Variants in SYTL3 observed in about 807,000 individuals in gnomAD.
The protein encoded by SYTL3 is synaptotagmin like 3.
A neutral mutation model predicts 82.1 loss-of-function variants in SYTL3; 88 were observed. The observed-to-expected ratio is 1.07, with a 90% CI of 0.90 to 1.28. The LOEUF (loss-of-function observed/expected upper bound fraction) is 1.28, where lower values mean the gene tolerates loss of function less well. Ranked by LOEUF, SYTL3 falls within the 50% of genes most tolerant of loss-of-function variation. The pLI is 0.00. For synonymous variants in SYTL3, 311 were observed against 289.4 expected (o/e 1.07, Z -0.76); for missense variants, 831 against 757.6 (o/e 1.10, Z -1.14).
rs764991590 is a variant in SYTL3, at chr6:158,763,550, A to T, written c.1723+41A>T. ...TGAGCCCAAACGTTTATACTTTGTG[A>T]TTATCCTAATGGGTACCGTGCAAAG... On this transcript the variant is annotated intron_variant, in intron 17 of 17. Coordinates refer to ENST00000611299, the MANE Select transcript of SYTL3 (RefSeq NM_001242394.2). 18 of 1,539,348 alleles carry T rather than the reference A, an allele frequency of 1.2e-5. No individual in the cohort carries two copies. The South Asian group carries it at 1.7e-4, about 14-fold the overall frequency.
chr6:158,727,527 T>G (rs1421334691), intron 11 of SYTL3, among the ~76,000 whole-genome samples: 3 of 151,966 alleles, frequency 2.0e-5, no homozygotes, highest in African/African-American at 7.3e-5. Context: ...CATGAGGCTT[T>G]ATTAGGAAGA....
chr6:158,696,884 A>G (rs1331139862), intron 6 of SYTL3, among the ~76,000 whole-genome samples: 5 of 152,124 alleles, frequency 3.3e-5, no homozygotes, highest in Admixed American at 6.5e-5. Flanking sequence ...CATATGGTCA[A>G]ATGATTTTTG....
intron 9 of SYTL3, among the ~76,000 whole-genome samples, chr6:158,714,793 T>C (rs1221870337): frequency 6.6e-6 from 1 of 152,182 alleles, no homozygotes; most frequent in African/African-American, 2.4e-5. Flanking sequence ...ATGCGGATGG[T>C]CTCAGTGCTG....
chr6:158,683,786 A>G (rs1234598812), intron 6 of SYTL3, among the ~76,000 whole-genome samples: 2 of 152,376 alleles, frequency 1.3e-5, no homozygotes, highest in East Asian at 3.9e-4. Context: ...TGATTGAATC[A>G]GTGAAGACCA....
At chr6:158,673,191 G>A (rs1290987026) in intron 5 of SYTL3, among the ~76,000 whole-genome samples, 1 of 151,970 alleles carries the variant, frequency 6.6e-6, no homozygotes, top group Non-Finnish European at 1.5e-5. Flanking sequence ...GCCTCTCGAA[G>A]TGCTAGGATT....
intron 10 of SYTL3, among the ~76,000 whole-genome samples, chr6:158,720,556 G>A (rs1350729941): frequency 6.6e-6 from 1 of 152,090 alleles, no homozygotes; most frequent in East Asian, 1.9e-4. Context: ...GACAAATGAG[G>A]ACCGCTGAAG....
intron 6 of SYTL3, among the ~76,000 whole-genome samples, chr6:158,698,279 C>T (rs1181632939): frequency 6.6e-6 from 1 of 151,822 alleles, no homozygotes; most frequent in Non-Finnish European, 1.5e-5. Context: ...TACCTGTAAT[C>T]CCAGCTACAC....
chr6:158,664,007 G>A (rs1789703614), intron 4 of SYTL3, among the ~76,000 whole-genome samples: 1 of 152,148 alleles, frequency 6.6e-6, no homozygotes, highest in South Asian at 2.1e-4. Flanking sequence ...AAAGCGTGCT[G>A]AACTCTAGCA....
intron 2 of SYTL3, among the ~76,000 whole-genome samples, chr6:158,657,916 G>A (rs1788891932): frequency 2.0e-5 from 3 of 149,780 alleles, no homozygotes; most frequent in Admixed American, 1.3e-4. Context: ...TTTTTGAGAC[G>A]GAGTCTTGCT....
intron 11 of SYTL3, among the ~76,000 whole-genome samples, chr6:158,740,949 G>A (rs1048646019): frequency 1.3e-5 from 2 of 152,170 alleles, no homozygotes; most frequent in African/African-American, 2.4e-5. Context: ...CATCCTTCTG[G>A]TTGTGTTTTC....
At chr6:158,754,002 C>G (rs780862939) in intron 13 of SYTL3, among the ~76,000 whole-genome samples, 2 of 152,096 alleles carry the variant, frequency 1.3e-5, no homozygotes, top group Non-Finnish European at 2.9e-5. Context: ...GCCGGGGAGG[C>G]CGATCCAGCA....
intron 10 of SYTL3, among the ~76,000 whole-genome samples, chr6:158,722,802 G>A (rs1379682389): frequency 1.8e-5 from 2 of 114,026 alleles, no homozygotes; most frequent in East Asian, 2.4e-4. Context: ...ATGGAGTCTC[G>A]CTCTGTCACC....
intron 9 of SYTL3, among the ~76,000 whole-genome samples, chr6:158,715,948 G>A (rs969165999): frequency 6.6e-6 from 1 of 152,138 alleles, no homozygotes; most frequent in Non-Finnish European, 1.5e-5. Flanking sequence ...GAGGAAGATT[G>A]GCACCTGAGG....
intron 6 of SYTL3, among the ~76,000 whole-genome samples, chr6:158,704,344 C>T (rs956212413): frequency 1.1e-4 from 16 of 152,188 alleles, no homozygotes; most frequent in African/African-American, 3.1e-4. Flanking sequence ...ACCCAGGCCC[C>T]GCCTGTGCCC....
chr6:158,764,856 CGTT>C lies in SYTL3; in HGVS notation c.*256_*258del, dbSNP rs1014576540. 1.5e-5 allele frequency: 6 copies of C among 389,196 alleles called. No homozygotes were observed. The South Asian group carries it at 1.8e-4, about 12-fold the overall frequency. The allele number at this position is 389,196 out of a possible 1,614,324, so 24.1% of individuals were successfully genotyped here. A position where few individuals can be genotyped will look rare whatever the true frequency, so the allele number is the denominator to read the frequency against. ...TAGAAAATGGCCAGATTTTAATAAA[CGTT>C]GTTACCCATGTCCTCCAGTGCTTAT... On this transcript the variant is annotated 3_prime_UTR_variant, in exon 18 of 18. Coordinates refer to ENST00000611299, the MANE Select transcript of SYTL3 (RefSeq NM_001242394.2).
At chr6:158,666,892 G>C (rs780097992) in intron 5 of SYTL3, among the ~76,000 whole-genome samples, 1 of 152,190 alleles carries the variant, frequency 6.6e-6, no homozygotes, top group African/African-American at 2.4e-5. Context: ...CGCTCACAGC[G>C]TGCCAAGTCG....
At chr6:158,712,278 T>C (rs1481426074) in intron 8 of SYTL3, among the ~76,000 whole-genome samples, 1 of 152,128 alleles carries the variant, frequency 6.6e-6, no homozygotes, top group Non-Finnish European at 1.5e-5. Context: ...CCTGCCAATA[T>C]TGAGGGCAGA....
At chr6:158,764,458 T>C in intron 17 of SYTL3, 37 bp from the exon 18 acceptor site, 2 of 1,512,956 alleles carry the variant, frequency 1.3e-6, no homozygotes, top group East Asian at 2.2e-5. Flanking sequence ...AGTGGTGCCC[T>C]CCCCGACCAT....
At chr6:158,714,395 T>C (rs1347065056) in intron 9 of SYTL3, among the ~76,000 whole-genome samples, 2 of 151,636 alleles carry the variant, frequency 1.3e-5, no homozygotes, top group Non-Finnish European at 2.9e-5. Flanking sequence ...TTTCAGGGAA[T>C]CTAAAACCAG....
Sources: allele counts gnomAD v4.1 joint callset (sites outside exome capture counted in the v4.1 genomes callset), GRCh38; gene constraint gnomAD v4.1.1; transcripts MANE v1.5; gene names NCBI Gene and HGNC (gene_info 2026-07-23, HGNC 2026-07-21).